The following GRIN3A variants were observed in gnomAD, a reference collection of about 807,000 sequenced individuals.
GRIN3A encodes glutamate ionotropic receptor NMDA type subunit 3A, also known as glutamate receptor ionotropic, NMDA 3A.
In GRIN3A, 47 loss-of-function variants were observed where a neutral mutation model predicts 92.4. That is an observed-to-expected ratio of 0.51 (90% CI 0.40 to 0.65). The LOEUF is 0.65. Among genes scored for constraint, GRIN3A ranks in the 30% least tolerant of loss-of-function variants. The probability of loss-of-function intolerance (pLI) is 0.00; values close to 1 mark genes in which losing one functional copy is unlikely to be tolerated. For missense variants in GRIN3A, 1,324 were observed against 1,393.1 expected (o/e 0.95, Z 0.79); for synonymous variants, 527 against 540.6 (o/e 0.97, Z 0.35).
intron 3 of GRIN3A, among the ~76,000 whole-genome samples, chr9:101,634,142 G>T (rs555992718): frequency 6.6e-6 from 1 of 151,986 alleles, no homozygotes; most frequent in South Asian, 2.1e-4. Flanking sequence ...GACCATCCTG[G>T]CTAACACGGT....
intron 1 of GRIN3A, among the ~76,000 whole-genome samples, chr9:101,716,938 G>A (rs547648647): frequency 5.5e-4 from 84 of 152,294 alleles, no homozygotes; most frequent in African/African-American, 2.0e-3. Flanking sequence ...CAGCTGAGTA[G>A]TAGCTGGCTG....
At chr9:101,736,913 T>G (rs1423377598) in intron 1 of GRIN3A, among the ~76,000 whole-genome samples, 1 of 152,116 alleles carries the variant, frequency 6.6e-6, no homozygotes, top group African/African-American at 2.4e-5. Flanking sequence ...ACCCTGCTCT[T>G]GTAGTTCTTC....
In GRIN3A at chr9:101,675,001, A is replaced by G. The variant is rs180811079; in HGVS notation, c.1305-3894T>C. On this transcript the variant is annotated intron_variant, in intron 2 of 8. Transcript: ENST00000361820. ...CATAATGACTTTAACAGAGATCTAC[A>G]TTAGTTAATATTGGTCTGGAGGCAA... 1.2e-4 allele frequency among the ~76,000 whole-genome samples: 19 copies of G among 152,126 alleles called. No individual in the cohort carries two copies. The East Asian group carries it at 2.9e-3, about 23-fold the overall frequency.
chr9:101,725,479 G>A (rs1411605576), intron 1 of GRIN3A, among the ~76,000 whole-genome samples: 2 of 152,204 alleles, frequency 1.3e-5, no homozygotes, highest in Non-Finnish European at 2.9e-5. Flanking sequence ...GAAAAGTCTT[G>A]TTATAGGTAA....
At chr9:101,642,680 G>C (rs1362928281) in intron 3 of GRIN3A, among the ~76,000 whole-genome samples, 1 of 152,128 alleles carries the variant, frequency 6.6e-6, no homozygotes, top group East Asian at 1.9e-4. Context: ...AGCTTCATCT[G>C]TATTTACAGC....
At chr9:101,646,604 T>C (rs1828941718) in intron 3 of GRIN3A, among the ~76,000 whole-genome samples, 1 of 139,368 alleles carries the variant, frequency 7.2e-6, no homozygotes, top group Non-Finnish European at 1.6e-5. Context: ...TAGATCACTT[T>C]GGGTAGTGGG....
At chr9:101,620,447 AGTT>A (rs1220142834) in intron 5 of GRIN3A, among the ~76,000 whole-genome samples, 1 of 152,188 alleles carries the variant, frequency 6.6e-6, no homozygotes, top group Non-Finnish European at 1.5e-5. Context: ...CCACAGCAGT[AGTT>A]ACACTGAGTG....
Position 101,737,399 on chromosome 9 carries a change from G to A in GRIN3A, c.581C>T (p.Ser194Leu). The A allele has an allele frequency of 1.2e-6, 2 of 1,614,252 alleles. No homozygotes were observed. The highest frequency in any genetic ancestry group is 1.7e-6 in the Non-Finnish European group (2 of 1,180,052). ...VCHTVVVQGVSALLAFPQSQG... is the reference protein window; with the variant it reads ...VCHTVVVQGVLALLAFPQSQG... Reference sequence around the variant, plus strand: ...GCTCTGGGGGAAGGCGAGCAGCGCCGACACCCCTTGCACCACCACGGTATG... The same window carrying A: ...GCTCTGGGGGAAGGCGAGCAGCGCCAACACCCCTTGCACCACCACGGTATG... The change falls in exon 1 of 9, where the codon TCG becomes TTG. Residue 194 changes from serine (S) to leucine (L), a missense_variant. Coordinates refer to ENST00000361820, the MANE Select transcript of GRIN3A (RefSeq NM_133445.3).
intron 1 of GRIN3A, among the ~76,000 whole-genome samples, chr9:101,701,663 C>T (rs899194486): frequency 2.0e-5 from 3 of 152,044 alleles, no homozygotes; most frequent in East Asian, 3.9e-4. Context: ...ATGAAGATGC[C>T]GAAAGCAGTT....
intron 2 of GRIN3A, among the ~76,000 whole-genome samples, chr9:101,674,464 A>G (rs1344901356): frequency 6.7e-6 from 1 of 149,794 alleles, no homozygotes; most frequent in Non-Finnish European, 1.5e-5. Context: ...ATCAAGAGAT[A>G]TTTTGTTTTC....
chr9:101,603,045 G>A (rs1026476272), intron 6 of GRIN3A: 1 of 111,048 alleles, frequency 9.0e-6, no homozygotes, highest in African/African-American at 2.7e-5. Context: ...CTAGAGGAAA[G>A]AAAGAACACA....
chr9:101,614,889 G>A (rs775456474), intron 5 of GRIN3A, among the ~76,000 whole-genome samples: 6 of 151,742 alleles, frequency 4.0e-5, no homozygotes, highest in Non-Finnish European at 7.4e-5. Context: ...AAAGTGATGG[G>A]ATTACAGGTA....
chr9:101,729,537 C>T (rs1371053744), intron 1 of GRIN3A, among the ~76,000 whole-genome samples: 1 of 152,154 alleles, frequency 6.6e-6, no homozygotes, highest in Non-Finnish European at 1.5e-5. Context: ...TTGACTTCTT[C>T]TGCCTCCTTC....
chr9:101,652,931 ATT>A (rs35964644), intron 3 of GRIN3A, among the ~76,000 whole-genome samples: 3 of 151,408 alleles, frequency 2.0e-5, no homozygotes, highest in Non-Finnish European at 2.9e-5. Flanking sequence ...CATCCTTGTG[ATT>A]TTTTTTAGGG....
intron 6 of GRIN3A, chr9:101,594,204 C>T (rs1383407950): frequency 1.8e-6 from 1 of 569,046 alleles, no homozygotes; most frequent in Non-Finnish European, 2.9e-6. Context: ...TTGACTTGCT[C>T]TTCCCCCTAT....
chr9:101,704,657 G>T (rs868778760), intron 1 of GRIN3A, among the ~76,000 whole-genome samples: 1 of 152,092 alleles, frequency 6.6e-6, no homozygotes, highest in Admixed American at 6.5e-5. Flanking sequence ...CGATCAGGAG[G>T]GTAAACAGTT....
At chr9:101,628,457 T>A in intron 3 of GRIN3A, 56 bp from the exon 4 acceptor site, 1 of 1,539,824 alleles carries the variant, frequency 6.5e-7, no homozygotes, top group African/African-American at 1.4e-5. Flanking sequence ...AAGTGTTTTT[T>A]AACATTTTTT....
At chr9:101,652,451 T>C (rs1380134236) in intron 3 of GRIN3A, among the ~76,000 whole-genome samples, 1 of 151,908 alleles carries the variant, frequency 6.6e-6, no homozygotes, top group East Asian at 1.9e-4. Flanking sequence ...AAAAAGAGTG[T>C]GTTTGAGGTA....
intron 6 of GRIN3A, chr9:101,594,663 C>T (rs1828088277): frequency 1.2e-6 from 2 of 1,614,218 alleles, no homozygotes; most frequent in Non-Finnish European, 1.7e-6. Flanking sequence ...TGCTCCTCGT[C>T]GCCCTTGACG....
Sources: allele counts gnomAD v4.1 joint callset (sites outside exome capture counted in the v4.1 genomes callset), GRCh38; gene constraint gnomAD v4.1.1; transcripts MANE v1.5; gene names NCBI Gene and HGNC (gene_info 2026-07-23, HGNC 2026-07-21).